A1CF: variants seen among roughly 807,000 people sequenced by gnomAD.
A1CF encodes the protein APOBEC-1 stimulating protein.
In A1CF, 48 loss-of-function variants were observed where a neutral mutation model predicts 68.9. The observed-to-expected ratio is 0.70, with a 90% CI of 0.55 to 0.89. The LOEUF (loss-of-function observed/expected upper bound fraction) is 0.89, where lower values mean the gene tolerates loss of function less well. Among genes scored for constraint, A1CF ranks in the 40% least tolerant of loss-of-function variants. The pLI is 0.00. For synonymous variants in A1CF, 272 were observed against 260.4 expected, an observed-to-expected ratio of 1.04 and a Z score of -0.43; for missense variants, 653 against 718.9, an observed-to-expected ratio of 0.91 and a Z score of 1.05.
rs190691295 is a variant in A1CF, at chr10:50,813,865, C to T, written c.1315G>A (p.Ala439Thr). The T allele has an allele frequency of 2.5e-5, 40 of 1,613,472 alleles. 1 individual carries two copies. The highest frequency in any genetic ancestry group is 1.7e-4 in the Middle Eastern group (1 of 6,052). ...VTLKPQGIKL[A>T]PQILEEICQK... ...GGAATAACATTACCTACCTGGGGAGCGAGTTTAATTCCTTGGGGTTTTAAT... is the reference window on the plus strand; with the variant it reads ...GGAATAACATTACCTACCTGGGGAGTGAGTTTAATTCCTTGGGGTTTTAAT... Residue 439 changes from alanine to threonine, a missense_variant, in exon 10 of 13, where the codon GCT becomes ACT. Transcript: ENST00000373997.
intron 1 of A1CF, among the ~76,000 whole-genome samples, chr10:50,867,395 G>T (rs1841043327): frequency 6.6e-6 from 1 of 152,100 alleles, no homozygotes; most frequent in African/African-American, 2.4e-5. Context: ...CAGCAACCTG[G>T]TTGGAACTGG....
At chr10:50,811,257 A>C in intron 10 of A1CF, 81 bp from the exon 11 acceptor site, 6 of 1,412,110 alleles carry the variant, frequency 4.2e-6, no homozygotes, top group Non-Finnish European at 5.8e-6. Context: ...TTAAACTCTA[A>C]TTTTCAGAGT....
chr10:50,880,354 A>G (rs1044864306), intron 1 of A1CF, among the ~76,000 whole-genome samples: 1 of 152,190 alleles, frequency 6.6e-6, no homozygotes, highest in African/African-American at 2.4e-5. Flanking sequence ...TACCCATTCC[A>G]TAGAGTGATG....
At chr10:50,846,470 T>C (rs1266272736) in intron 3 of A1CF, among the ~76,000 whole-genome samples, 1 of 152,216 alleles carries the variant, frequency 6.6e-6, no homozygotes, top group East Asian at 1.9e-4. Flanking sequence ...CATTTTTATG[T>C]ATCTTTGATG....
intron 1 of A1CF, among the ~76,000 whole-genome samples, chr10:50,867,230 T>C (rs1057297341): frequency 6.6e-6 from 1 of 152,074 alleles, no homozygotes; most frequent in Non-Finnish European, 1.5e-5. Context: ...CATATGTTTA[T>C]AGCAGCAATA....
At position 50,804,568 on chromosome 10, in the gene A1CF, C is replaced by G. The variant is rs1449617378; in HGVS notation, c.*2161G>C. The G allele has an allele frequency of 6.6e-6, 1 of 152,092 alleles. No homozygotes were observed. Among genetic ancestry groups the G allele is most frequent in the African/African-American group, 2.4e-5 (1 of 41,428 alleles). The allele number at this position is 152,092 out of a possible 1,614,324, so 9.4% of individuals were successfully genotyped here. ...TAATCACTGTCTTTGAGAATAAAAG[C>G]AGATCTGTAGGGGAGTGTAAATTTG... On this transcript the variant is annotated 3_prime_UTR_variant, in exon 13 of 13. Transcript: ENST00000373997.
chr10:50,867,669 A>G (rs1442822037), intron 1 of A1CF, among the ~76,000 whole-genome samples: 1 of 152,212 alleles, frequency 6.6e-6, no homozygotes, highest in Non-Finnish European at 1.5e-5. Flanking sequence ...CTTGCACCCT[A>G]TAAGTTTATA....
At chr10:50,867,828 T>C (rs1399598849) in intron 1 of A1CF, among the ~76,000 whole-genome samples, 1 of 152,196 alleles carries the variant, frequency 6.6e-6, no homozygotes, top group Non-Finnish European at 1.5e-5. Context: ...CAAATATTAA[T>C]TTAATATCTG....
intron 6 of A1CF, among the ~76,000 whole-genome samples, chr10:50,833,384 C>T (rs1839339599): frequency 6.6e-6 from 1 of 152,182 alleles, no homozygotes; most frequent in South Asian, 2.1e-4. Flanking sequence ...CATTGAGAAT[C>T]ACTGCCAGGA....
chr10:50,841,175 T>C (rs1447187461), intron 5 of A1CF, among the ~76,000 whole-genome samples: 1 of 152,200 alleles, frequency 6.6e-6, no homozygotes, highest in Non-Finnish European at 1.5e-5. Context: ...AGAAGAAAAT[T>C]CAAATTCATC....
intron 1 of A1CF, among the ~76,000 whole-genome samples, chr10:50,884,581 A>C (rs1841922596): frequency 6.6e-6 from 1 of 152,224 alleles, no homozygotes; most frequent in African/African-American, 2.4e-5. Flanking sequence ...ATGCTCCTAA[A>C]CTATAACTAG....
Position 50,801,276 on chromosome 10 carries a change from T to C in A1CF, c.*5453A>G, listed in dbSNP as rs948290006. 1 of 152,182 alleles carries C rather than the reference T, an allele frequency of 6.6e-6. No individual in the cohort carries two copies. Among genetic ancestry groups the C allele is most frequent in the African/African-American group, 2.4e-5 (1 of 41,450 alleles). 9.4% of individuals were successfully genotyped at this position (152,182 alleles called of 1,614,324 possible). ...CTCTGTTTACTATGACCCTGCTCAG[T>C]CAGAAAGAAGTAGCTAGGCTCTTTA... On this transcript the variant is annotated 3_prime_UTR_variant, in exon 13 of 13. Coordinates refer to ENST00000373997, the MANE Select transcript of A1CF (RefSeq NM_014576.4).
chr10:50,870,160 A>G (rs996341466), intron 1 of A1CF, among the ~76,000 whole-genome samples: 2 of 151,938 alleles, frequency 1.3e-5, no homozygotes, highest in Non-Finnish European at 2.9e-5. Flanking sequence ...TATGCTAAAA[A>G]CATTAAAATC....
At chr10:50,835,830 T>C (rs1461385346) in intron 6 of A1CF, among the ~76,000 whole-genome samples, 2 of 152,196 alleles carry the variant, frequency 1.3e-5, no homozygotes, top group Admixed American at 6.5e-5. Flanking sequence ...AGGATTGCTG[T>C]ACTTAAAGTT....
Position 50,853,384 on chromosome 10 carries a change from G to A in A1CF, c.99+6458C>T, listed in dbSNP as rs557880953. On this transcript the variant is annotated intron_variant, in intron 3 of 12. Coordinates refer to ENST00000373997, the MANE Select transcript of A1CF (RefSeq NM_014576.4). ...TCATCTGGTAAGTCTTAGCTTCAAT[G>A]TAATTTTTCCTAAAGAAGGTCACCT... 1.4e-4 allele frequency among the ~76,000 whole-genome samples: 21 copies of A among 152,266 alleles called. No individual in the cohort carries two copies. The South Asian group carries it at 3.9e-3, about 29-fold the overall frequency.
rs1838367300 is a variant in A1CF at position 50,816,261 on chromosome 10, T to C, written c.886A>G (p.Ile296Val). 3.1e-6 allele frequency: 5 copies of C among 1,613,320 alleles called. No homozygotes were observed. The African/African-American group carries it at 4.0e-5, about 13-fold the overall frequency. ...LNGKVLDGSP[I>V]EVTLAKPVDK... ...ACTGGTTTTGCTAGGGTGACTTCAA[T>C]GGGGGAACCATCCAGCACCTGTTGT... The change falls in exon 9 of 13, where the codon ATT becomes GTT. Residue 296 changes from isoleucine (I) to valine (V), a missense_variant. Physicochemically the swap from Ile to Val is conservative, Grantham distance 29. Transcript: ENST00000373997.
At chr10:50,829,169 G>A (rs974004283) in intron 6 of A1CF, among the ~76,000 whole-genome samples, 2 of 152,116 alleles carry the variant, frequency 1.3e-5, no homozygotes, top group Non-Finnish European at 2.9e-5. Flanking sequence ...GAGCTTTAGA[G>A]AGGATAACTT....
In A1CF at chr10:50,875,013, C is replaced by T. The variant is rs1841443355; in HGVS notation, c.-94+10568G>A. On this transcript the variant is annotated intron_variant, in intron 1 of 12. Transcript: ENST00000373997. ...CAATATGCAGTTGCATCTAGAACAGCTGACTGAAGCTCTAATTTACACACG... is the reference window on the plus strand; with the variant it reads ...CAATATGCAGTTGCATCTAGAACAGTTGACTGAAGCTCTAATTTACACACG... Among the ~76,000 whole-genome samples the T allele has an allele frequency of 2.0e-5, 3 of 152,298 alleles. No individual in the cohort carries two copies. In the South Asian group the frequency reaches 6.2e-4, roughly 32 times the overall value.
chr10:50,849,786 CTTTTT>C (rs71949925), intron 3 of A1CF, among the ~76,000 whole-genome samples: 2 of 83,654 alleles, frequency 2.4e-5, no homozygotes, highest in Admixed American at 1.8e-4. Context: ...TTAATGAATT[CTTTTT>C]TTTTTTTTTT....
Sources: allele counts gnomAD v4.1 joint callset (sites outside exome capture counted in the v4.1 genomes callset), GRCh38; gene constraint gnomAD v4.1.1; transcripts MANE v1.5; gene names NCBI Gene and HGNC (gene_info 2026-07-23, HGNC 2026-07-21).